The following PDCD1 variants were observed in gnomAD, a reference collection of about 807,000 sequenced individuals.
PDCD1 encodes the protein programmed cell death 1, also known as programmed cell death protein 1.
PDCD1 carries 10 observed loss-of-function variants against 23.6 expected under a neutral mutation model. That is an observed-to-expected ratio of 0.42 (90% CI 0.26 to 0.72). PDCD1 has a LOEUF of 0.72. PDCD1 is among the 30% of genes least tolerant of loss of function. The pLI, the probability that PDCD1 is intolerant of heterozygous loss-of-function variation, is 0.24. For synonymous variants in PDCD1, 168 were observed against 169.3 expected (o/e 0.99, Z 0.06); for missense variants, 313 against 397.8 (o/e 0.79, Z 1.81).
At chr2:241,855,557 G>C (rs760476205) in intron 1 of PDCD1, among the ~76,000 whole-genome samples, 44 of 152,198 alleles carry the variant, frequency 2.9e-4, no homozygotes, top group Admixed American at 1.3e-4. Context: ...CCCTATGCAG[G>C]GTCAGGAGGG....
Position 241,851,082 on chromosome 2 carries a change from A to G in PDCD1, c.843T>C (p.Asp281=). The change falls in exon 5 of 5, where the codon GAT becomes GAC. Residue 281 remains aspartate (D), a synonymous_variant. Coordinates refer to ENST00000334409, the MANE Select transcript of PDCD1 (RefSeq NM_005018.3). ...GTCAGAGGGGCCAAGAGCAGTGTCCATCCTCAGGCCTCAGTGGCTGGGCAC... is the reference window on the plus strand; with the variant it reads ...GTCAGAGGGGCCAAGAGCAGTGTCCGTCCTCAGGCCTCAGTGGCTGGGCAC... The part of the protein sequence containing the change: ...PRSAQPLRPE[D]GHCSWPL 6.2e-7 allele frequency: 1 copy of G among 1,612,824 alleles called. No individual in the cohort carries two copies. Among genetic ancestry groups the G allele is most frequent in the Middle Eastern group, 1.7e-4 (1 of 6,016 alleles).
intron 1 of PDCD1, among the ~76,000 whole-genome samples, chr2:241,855,793 C>T (rs1286799799): frequency 1.3e-5 from 2 of 152,196 alleles, no homozygotes; most frequent in Non-Finnish European, 2.9e-5. Context: ...ATGAGGACAG[C>T]GAGCTTGTCC....
chr2:241,857,614 G>C (rs1223908464), intron 1 of PDCD1, among the ~76,000 whole-genome samples: 1 of 152,202 alleles, frequency 6.6e-6, no homozygotes, highest in Non-Finnish European at 1.5e-5. Flanking sequence ...TGAGTCCTGA[G>C]TGACCCACGG....
intron 1 of PDCD1, 39 bp downstream of exon 1, chr2:241,858,724 C>T: frequency 1.3e-6 from 2 of 1,513,458 alleles, no homozygotes; most frequent in Admixed American, 1.9e-5. Context: ...TCCCTCCAGA[C>T]CCCTGGCTCT....
chr2:241,857,938 C>G (rs1162252867), intron 1 of PDCD1, among the ~76,000 whole-genome samples: 1 of 149,838 alleles, frequency 6.7e-6, no homozygotes, highest in Non-Finnish European at 1.5e-5. Context: ...TGCAGGCTGG[C>G]TGGGCACAGA....
In PDCD1 at chr2:241,850,765, A is replaced by T; in HGVS notation, c.*293T>A. On this transcript the variant is annotated 3_prime_UTR_variant, in exon 5 of 5. Coordinates refer to ENST00000334409, the MANE Select transcript of PDCD1 (RefSeq NM_005018.3). ...CAGCAGCAGCAGCAGAGATTCAGGG[A>T]GCTGGACGCAGGCAGCTCTGTGCTG... 1.6e-6 allele frequency: 1 copy of T among 639,972 alleles called. No homozygotes were observed. Among genetic ancestry groups the T allele is most frequent in the South Asian group, 1.6e-5 (1 of 63,346 alleles). 39.6% of individuals were successfully genotyped at this position (639,972 alleles called of 1,614,324 possible).
rs1423404207 is a variant in PDCD1, at chr2:241,849,927, C to T, written c.*1131G>A. 5.1e-6 allele frequency: 1 copy of T among 196,480 alleles called. No homozygotes were observed. The highest frequency in any genetic ancestry group is 1.1e-5 in the Non-Finnish European group (1 of 94,684). 12.2% of individuals were successfully genotyped at this position (196,480 alleles called of 1,614,324 possible). On this transcript the variant is annotated 3_prime_UTR_variant, in exon 5 of 5. Coordinates refer to ENST00000334409, the MANE Select transcript of PDCD1 (RefSeq NM_005018.3). ...TAATTATAATTATAATATAATAGAACCACAGGGAAGGGGGATCCCTTGTCC... is the reference window on the plus strand; with the variant it reads ...TAATTATAATTATAATATAATAGAATCACAGGGAAGGGGGATCCCTTGTCC...
At chr2:241,854,435 G>A (rs1700971703) in intron 1 of PDCD1, among the ~76,000 whole-genome samples, 1 of 152,202 alleles carries the variant, frequency 6.6e-6, no homozygotes, top group Admixed American at 6.5e-5. Flanking sequence ...GTGGGCCCGG[G>A]GAATCTTCCA....
chr2:241,852,808 G>T lies in PDCD1; in HGVS notation c.249C>A (p.Pro83=), dbSNP rs55804130. Reference sequence around the variant, plus strand: ...CCTGGCCGGGCTGGCTGCGGTCCTCGGGGAAGGCGGCCAGCTTGTCCGTCT... The same window carrying T: ...CCTGGCCGGGCTGGCTGCGGTCCTCTGGGAAGGCGGCCAGCTTGTCCGTCT... ...SNQTDKLAAF[P]EDRSQPGQDC... is the part of the protein sequence containing the mutation. The change falls in exon 2 of 5, where the codon CCC becomes CCA. Residue 83 remains proline (P), a synonymous_variant. Transcript: ENST00000334409. 2 of 1,613,188 alleles carry T rather than the reference G, an allele frequency of 1.2e-6. No individual in the cohort carries two copies. Among genetic ancestry groups the T allele is most frequent in the Non-Finnish European group, 1.7e-6 (2 of 1,180,008 alleles).
intron 1 of PDCD1, among the ~76,000 whole-genome samples, chr2:241,856,656 C>A (rs1701034172): frequency 6.6e-6 from 1 of 151,860 alleles, no homozygotes; most frequent in Non-Finnish European, 1.5e-5. Flanking sequence ...GACCCTGTCT[C>A]TAAAAAAAAT....
Position 241,851,142 on chromosome 2 carries a change from G to A in PDCD1, c.783C>T (p.Ser261=), listed in dbSNP as rs1011563404. The A allele has an allele frequency of 1.1e-5, 17 of 1,613,408 alleles. No homozygotes were observed. The highest frequency in any genetic ancestry group is 1.4e-5 in the Non-Finnish European group (17 of 1,179,952). The change falls in exon 5 of 5, where the codon TCC becomes TCT. Residue 261 remains serine (S), a synonymous_variant. Coordinates refer to ENST00000334409, the MANE Select transcript of PDCD1 (RefSeq NM_005018.3). The stretch of plus-strand genomic sequence containing the variant: ...CGTCAGCTGAGCCCCTGCGGGCGGG[G>A]GATGAGGTGCCCATTCCGCTAGGAA... ...IVFPSGMGTS[S]PARRGSADGP...
Position 241,852,793 on chromosome 2 carries a change from C to A in PDCD1, c.264G>T (p.Gln88His), listed in dbSNP as rs948539114. ...CACGGAAGCGGCAGTCCTGGCCGGG[C>A]TGGCTGCGGTCCTCGGGGAAGGCGG... ...KLAAFPEDRS[Q>H]PGQDCRFRVT... The change falls in exon 2 of 5, where the codon CAG becomes CAT. Residue 88 changes from glutamine (Q) to histidine (H), a missense_variant. Around this residue, in one of 3 missense-constraint regions of PDCD1, gnomAD observed 135 missense variants for 166.9 expected, o/e 0.81. Coordinates refer to ENST00000334409, the MANE Select transcript of PDCD1 (RefSeq NM_005018.3). 7 of 1,613,762 alleles carry A rather than the reference C, an allele frequency of 4.3e-6. No individual in the cohort carries two copies. Among genetic ancestry groups the A allele is most frequent in the Non-Finnish European group, 5.9e-6 (7 of 1,180,016 alleles).
At position 241,852,517 on chromosome 2, in the gene PDCD1, G is replaced by T. The variant is rs369728435; in HGVS notation, c.436+104C>A. The T allele has an allele frequency of 2.2e-6, 3 of 1,388,578 alleles. No homozygotes were observed. In the South Asian group the frequency reaches 4.1e-5, roughly 19 times the overall value. The allele number at this position is 1,388,578 out of a possible 1,614,324, so 86.0% of individuals were successfully genotyped here. ...ACAGAGCCCTGGACTGGAGCTGGGG[G>T]GTCCCTGCCCTACGACCCTGGAGCT... On this transcript the variant is annotated intron_variant, in intron 2 of 4. Transcript: ENST00000334409.
intron 2 of PDCD1, 40 bp downstream of exon 2, chr2:241,852,581 G>A (rs41450345): frequency 3.1e-6 from 5 of 1,593,180 alleles, no homozygotes; most frequent in Admixed American, 1.7e-5. Flanking sequence ...CCCCAGGACC[G>A]GCTCAGCTCA....
intron 4 of PDCD1, among the ~76,000 whole-genome samples, chr2:241,851,510 T>C (rs1700902618): frequency 6.6e-6 from 1 of 152,204 alleles, no homozygotes; most frequent in Admixed American, 6.5e-5. Context: ...TCCCTGGCAT[T>C]CTTGCAGATT....
At chr2:241,853,098 A>G in intron 1 of PDCD1, 118 bp from the exon 2 acceptor site, 1 of 1,252,370 alleles carries the variant, frequency 8.0e-7, no homozygotes, top group South Asian at 1.5e-5. Flanking sequence ...CTGGAATGTC[A>G]TTGAGAAGTC....
chr2:241,851,601 G>T (rs56283924), intron 4 of PDCD1, among the ~76,000 whole-genome samples: 4 of 152,210 alleles, frequency 2.6e-5, no homozygotes, highest in Non-Finnish European at 4.4e-5. Context: ...CCACGCCCTC[G>T]CAGGTGGGCA....
At chr2:241,856,284 G>A (rs1354084676) in intron 1 of PDCD1, among the ~76,000 whole-genome samples, 1 of 152,056 alleles carries the variant, frequency 6.6e-6, no homozygotes, top group Non-Finnish European at 1.5e-5. Context: ...CAGGGGAGCC[G>A]ACCCTGCGGA....
At chr2:241,853,037 C>T (rs577714112) in intron 1 of PDCD1, 57 bp from the exon 2 acceptor site, 14 of 1,512,934 alleles carry the variant, frequency 9.3e-6, no homozygotes, top group Admixed American at 4.0e-5. Context: ...GCCTCCCCGG[C>T]CACCTGCTCA....
Sources: allele counts gnomAD v4.1 joint callset (sites outside exome capture counted in the v4.1 genomes callset), GRCh38; gene constraint gnomAD v4.1.1; regional missense constraint gnomAD v4.1.1; transcripts MANE v1.5; gene names NCBI Gene and HGNC (gene_info 2026-07-23, HGNC 2026-07-21).